The following SETD7 variants were observed in gnomAD, a reference collection of about 807,000 sequenced individuals.
The protein encoded by SETD7 is histone-lysine N-methyltransferase SETD7.
Under a neutral mutation model 41.8 loss-of-function variants are expected in SETD7, and 16 were observed. The observed-to-expected ratio is 0.38, with a 90% confidence interval of 0.26 to 0.58. SETD7 has a LOEUF of 0.58. Among genes scored for constraint, SETD7 ranks in the 20% least tolerant of loss-of-function variants. SETD7 has a pLI of 0.64. For synonymous variants in SETD7, 163 were observed against 169.7 expected, an observed-to-expected ratio of 0.96 and a Z score of 0.31; for missense variants, 346 against 459.7, an observed-to-expected ratio of 0.75 and a Z score of 2.26.
intron 3 of SETD7, among the ~76,000 whole-genome samples, chr4:139,530,378 C>G (rs1378524661): frequency 3.9e-5 from 3 of 76,258 alleles, no homozygotes; most frequent in African/African-American, 1.5e-4. Context: ...TTTTTTTTTG[C>G]CTTCTAGGAA....
intron 7 of SETD7, among the ~76,000 whole-genome samples, chr4:139,499,797 T>G (rs953254124): frequency 6.6e-6 from 1 of 152,090 alleles, no homozygotes; most frequent in Non-Finnish European, 1.5e-5. Context: ...CAGTGCACTG[T>G]TTTTTTGTTT....
chr4:139,522,670 G>T (rs1727209239), intron 5 of SETD7, among the ~76,000 whole-genome samples: 1 of 151,066 alleles, frequency 6.6e-6, no homozygotes, highest in Non-Finnish European at 1.5e-5. Flanking sequence ...GGGCCAGCAT[G>T]TGACTGCAGC....
chr4:139,504,162 A>T (rs534608542), downstream of SETD7, among the ~76,000 whole-genome samples: 2 of 152,318 alleles, frequency 1.3e-5, no homozygotes, highest in South Asian at 4.1e-4. Flanking sequence ...TTGAGCTTTG[A>T]TGTTTCTTGA....
At position 139,510,532 on chromosome 4, in the gene SETD7, C is replaced by T. The variant is rs1726840058; in HGVS notation, c.*1131G>A. 1 of 152,192 alleles carries T rather than the reference C, an allele frequency of 6.6e-6. No individual in the cohort carries two copies. The highest frequency in any genetic ancestry group is 2.1e-4 in the South Asian group (1 of 4,834). The allele number at this position is 152,192 out of a possible 1,614,324, so 9.4% of individuals were successfully genotyped here. A position where few individuals can be genotyped will look rare whatever the true frequency, so the allele number is the denominator to read the frequency against. ...AGTCTTAGTTTACAATGTTTTGAAG[C>T]AGGTAAGTGCTTTGAAATTACAATG... is the stretch of plus-strand genomic sequence containing the variant. On this transcript the variant is annotated 3_prime_UTR_variant, in exon 8 of 8. Coordinates refer to ENST00000274031, the MANE Select transcript of SETD7 (RefSeq NM_030648.4).
chr4:139,504,246 G>A (rs560219351), downstream of SETD7, among the ~76,000 whole-genome samples: 63 of 152,266 alleles, frequency 4.1e-4, no homozygotes, highest in Non-Finnish European at 6.9e-4. Flanking sequence ...ATCTTTTTCC[G>A]TGTACATTAT....
chr4:139,502,480 C>T (rs146883770), downstream of SETD7, among the ~76,000 whole-genome samples: 2 of 152,230 alleles, frequency 1.3e-5, no homozygotes, highest in African/African-American at 4.8e-5. Flanking sequence ...TGCCCAAGAG[C>T]GGGGCAAGCC....
At chr4:139,529,315 A>G (rs1727417515) in intron 3 of SETD7, 95 bp from the exon 4 acceptor site, 2 of 931,008 alleles carry the variant, frequency 2.1e-6, no homozygotes, top group Non-Finnish European at 3.2e-6. Context: ...CATTATTAAT[A>G]TAGCACCAGT....
intron 2 of SETD7, among the ~76,000 whole-genome samples, chr4:139,540,000 G>C (rs975352983): frequency 6.6e-6 from 1 of 152,060 alleles, no homozygotes; most frequent in Admixed American, 6.6e-5. Context: ...CCCAGTCTAT[G>C]GAATTTGTTG....
In SETD7 at chr4:139,506,532, C is replaced by T. The variant is rs1283084924; in HGVS notation, c.*5131G>A. 1 of 152,580 alleles carries T rather than the reference C, an allele frequency of 6.6e-6. No individual in the cohort carries two copies. Among genetic ancestry groups the T allele is most frequent in the Admixed American group, 6.5e-5 (1 of 15,282 alleles). The allele number at this position is 152,580 out of a possible 1,614,324, so 9.5% of individuals were successfully genotyped here. ...TTTCCTATGTGATAAGCAGGTATTA[C>T]GTAGTCCCTGTAGCTTCCCAATACA... On this transcript the variant is annotated 3_prime_UTR_variant, in exon 8 of 8. Transcript: ENST00000274031.
rs1234901615 is a variant in SETD7, at chr4:139,506,794, T to C, written c.*4869A>G. On this transcript the variant is annotated 3_prime_UTR_variant, in exon 8 of 8. Coordinates refer to ENST00000274031, the MANE Select transcript of SETD7 (RefSeq NM_030648.4). ...AGAGTCAGGAGAGTTGGGAGGTATG[T>C]CCTAGGGATGTGATTGACTCTTGAC... 1 of 152,640 alleles carries C rather than the reference T, an allele frequency of 6.6e-6. No individual in the cohort carries two copies. Among genetic ancestry groups the C allele is most frequent in the African/African-American group, 2.4e-5 (1 of 41,442 alleles). 9.5% of individuals were successfully genotyped at this position (152,640 alleles called of 1,614,324 possible).
chr4:139,526,436 ATTTT>A (rs11353890), intron 4 of SETD7, among the ~76,000 whole-genome samples: 1 of 122,604 alleles, frequency 8.2e-6, no homozygotes, highest in African/African-American at 3.0e-5. Context: ...TGCCCAGCTA[ATTTT>A]TTTTTTTTTT....
intron 7 of SETD7, among the ~76,000 whole-genome samples, chr4:139,500,602 A>G (rs1223427105): frequency 6.6e-6 from 1 of 152,080 alleles, no homozygotes; most frequent in Admixed American, 6.6e-5. Flanking sequence ...TCCGCCTCCC[A>G]GTTTCAAGCG....
At chr4:139,514,890 G>C (rs761897747) in intron 7 of SETD7, among the ~76,000 whole-genome samples, 1 of 152,164 alleles carries the variant, frequency 6.6e-6, no homozygotes. Context: ...TCAGGGCCAG[G>C]CATGGTGGCC....
exon 8 of SETD7, chr4:139,496,181 C>T (rs1013387257): frequency 1.9e-5 from 9 of 471,266 alleles, no homozygotes; most frequent in Middle Eastern, 5.5e-4. Flanking sequence ...GGGTCTTTTT[C>T]CCCCCTCTGG....
rs139141710 is a variant in SETD7, at chr4:139,517,893, G to C, written c.912C>G (p.Ile304Met). 2.0e-4 allele frequency: 316 copies of C among 1,613,242 alleles called. No individual in the cohort carries two copies. The highest frequency in any genetic ancestry group is 2.6e-4 in the Non-Finnish European group (305 of 1,179,564). The change falls in exon 7 of 8, where the codon ATC (isoleucine) becomes ATG (methionine). Residue 304 changes from isoleucine to methionine, a missense_variant. Coordinates refer to ENST00000274031, the MANE Select transcript of SETD7 (RefSeq NM_030648.4). ...KANHSFTPNC[I>M]YDMFVHPRFG... Reference sequence around the variant, plus strand: ...CTCTGGGTAATACTTACATATCGTAGATGCAGTTTGGAGTGAAGGAGTGAT... The same window carrying C: ...CTCTGGGTAATACTTACATATCGTACATGCAGTTTGGAGTGAAGGAGTGAT...
At chr4:139,536,867 G>C (rs1468970407) in intron 2 of SETD7, among the ~76,000 whole-genome samples, 2 of 152,196 alleles carry the variant, frequency 1.3e-5, no homozygotes, top group Non-Finnish European at 2.9e-5. Context: ...GCCGGACATG[G>C]TGGCAGGCAC....
intron 3 of SETD7, among the ~76,000 whole-genome samples, chr4:139,530,142 G>T (rs1425037589): frequency 6.6e-6 from 1 of 152,076 alleles, no homozygotes; most frequent in African/African-American, 2.4e-5. Context: ...GGGTGCCAGA[G>T]ATGTTTCTTT....
At chr4:139,495,227 T>C (rs1726432149), downstream of SETD7, among the ~76,000 whole-genome samples, 3 of 152,232 alleles carry the variant, frequency 2.0e-5, no homozygotes, top group Admixed American at 1.3e-4. Context: ...AAATTACAGC[T>C]ATTGTTTCTC....
intron 7 of SETD7, among the ~76,000 whole-genome samples, chr4:139,514,831 C>T (rs893475733): frequency 2.0e-5 from 3 of 152,170 alleles, no homozygotes; most frequent in African/African-American, 7.2e-5. Context: ...TACTAGATTG[C>T]GTTTCAAACA....
Sources: allele counts gnomAD v4.1 joint callset (sites outside exome capture counted in the v4.1 genomes callset), GRCh38; gene constraint gnomAD v4.1.1; transcripts MANE v1.5; gene names NCBI Gene and HGNC (gene_info 2026-07-23, HGNC 2026-07-21).